FSIP2: variants seen among roughly 807,000 people sequenced by gnomAD.
FSIP2 encodes fibrous sheath interacting protein 2.
In FSIP2, 367 loss-of-function variants were observed where a neutral mutation model predicts 510.5. The ratio of observed to expected loss-of-function variants is 0.72; its 90% confidence interval spans 0.66 to 0.78. The LOEUF is 0.78. Among genes scored for constraint, FSIP2 ranks in the 30% least tolerant of loss-of-function variants. The pLI, the probability that FSIP2 is intolerant of heterozygous loss-of-function variation, is 0.00. For missense variants in FSIP2, 7,594 were observed against 7,901.7 expected, an observed-to-expected ratio of 0.96 and a Z score of 1.48; for synonymous variants, 2,601 against 2,732.2, an observed-to-expected ratio of 0.95 and a Z score of 1.50.
Position 185,792,892 on chromosome 2 carries a change from A to G in FSIP2, c.5756A>G (p.Asp1919Gly). The change falls in exon 16 of 23, where the codon GAT becomes GGT. Residue 1919 changes from aspartate to glycine, a missense_variant. Physicochemically the swap from Asp to Gly is moderately conservative, Grantham distance 94. Coordinates refer to ENST00000424728, the MANE Select transcript of FSIP2 (RefSeq NM_173651.4). ...DKETKVNLAEDIVQAILTNLE... is the reference protein window; with the variant it reads ...DKETKVNLAEGIVQAILTNLE... Reference sequence around the variant, plus strand: ...GAGACAAAGGTAAATCTAGCTGAAGATATTGTACAGGCAATATTAACAAAT... The same window carrying G: ...GAGACAAAGGTAAATCTAGCTGAAGGTATTGTACAGGCAATATTAACAAAT... 2.0e-6 allele frequency: 3 copies of G among 1,534,310 alleles called. No individual in the cohort carries two copies. The African/African-American group carries it at 4.1e-5, about 21-fold the overall frequency.
Position 185,801,239 on chromosome 2 carries a change from G to C in FSIP2, c.11933G>C (p.Gly3978Ala). Reference protein sequence around the residue: ...AGVYSATFLEGIISELFFNLS... With the variant: ...AGVYSATFLEAIISELFFNLS... Reference sequence around the variant, plus strand: ...GTTTATTCAGCCACATTTTTGGAAGGAATAATTTCAGAATTGTTTTTTAAT... The same window carrying C: ...GTTTATTCAGCCACATTTTTGGAAGCAATAATTTCAGAATTGTTTTTTAAT... The change falls in exon 17 of 23, where the codon GGA (glycine) becomes GCA (alanine). Residue 3978 changes from glycine to alanine, a missense_variant. Physicochemically the swap from Gly to Ala is moderately conservative, Grantham distance 60. Coordinates refer to ENST00000424728, the MANE Select transcript of FSIP2 (RefSeq NM_173651.4). The C allele has an allele frequency of 6.5e-7, 1 of 1,534,182 alleles. No individual in the cohort carries two copies. Among genetic ancestry groups the C allele is most frequent in the Non-Finnish European group, 8.7e-7 (1 of 1,145,566 alleles).
chr2:185,794,951 T>C lies in FSIP2; in HGVS notation c.7815T>C (p.Tyr2605=), dbSNP rs773576730. The change falls in exon 16 of 23, where the codon TAT becomes TAC. Residue 2605 remains tyrosine, a synonymous_variant. Coordinates refer to ENST00000424728, the MANE Select transcript of FSIP2 (RefSeq NM_173651.4). ...CTAGATATGCGATATCACAGGCTTA[T>C]TCTTATGTCGACAGTCAAAATATCT... is the stretch of plus-strand genomic sequence containing the variant. ...NSPRYAISQA[Y]SYVDSQNISV... 16 of 1,533,850 alleles carry C rather than the reference T, an allele frequency of 1.0e-5. No individual in the cohort carries two copies. In the South Asian group the frequency reaches 1.7e-4, roughly 16 times the overall value.
At chr2:185,828,482 A>T (rs1398980176) in intron 21 of FSIP2, among the ~76,000 whole-genome samples, 1 of 151,816 alleles carries the variant, frequency 6.6e-6, no homozygotes, top group South Asian at 2.1e-4. Flanking sequence ...AATTCTGTTT[A>T]TTAGCTCTGT....
At position 185,814,051 on chromosome 2, in the gene FSIP2, T is replaced by C; in HGVS notation, c.20325+9T>C. On this transcript the variant is annotated intron_variant, in intron 18 of 22. Transcript: ENST00000424728. Reference sequence around the variant, plus strand: ...AAAAGCCCCAGTGTAAGGTAAGTGATAAGCATGACTGTTAGTGACTAGAAA... The same window carrying C: ...AAAAGCCCCAGTGTAAGGTAAGTGACAAGCATGACTGTTAGTGACTAGAAA... 6.2e-7 allele frequency: 1 copy of C among 1,603,396 alleles called. No individual in the cohort carries two copies. Among genetic ancestry groups the C allele is most frequent in the Middle Eastern group, 1.7e-4 (1 of 5,978 alleles).
At chr2:185,766,426 A>C (rs1692482150) in intron 13 of FSIP2, 1 of 148,738 alleles carries the variant, frequency 6.7e-6, no homozygotes, top group Non-Finnish European at 1.5e-5. Context: ...CATCTGACAA[A>C]GGGCTAATAA....
At chr2:185,825,169 T>G (rs751009718) in intron 20 of FSIP2, among the ~76,000 whole-genome samples, 1 of 151,842 alleles carries the variant, frequency 6.6e-6, no homozygotes, top group African/African-American at 2.4e-5. Flanking sequence ...GTGAAAATCA[T>G]TTTTATCAAG....
Position 185,794,163 on chromosome 2 carries a change from C to T in FSIP2, c.7027C>T (p.Leu2343=). 6.5e-7 allele frequency: 1 copy of T among 1,534,062 alleles called. No individual in the cohort carries two copies. The highest frequency in any genetic ancestry group is 8.7e-7 in the Non-Finnish European group (1 of 1,145,658). The part of the protein sequence containing the change: ...RREKLGSTIH[L]SQARLKTYAD... ...AGAAAAACTTGGATCCACAATTCAC[C>T]TATCGCAAGCTAGGCTTAAGACATA... The change falls in exon 16 of 23, where the codon CTA becomes TTA. Residue 2343 remains leucine (L), a synonymous_variant. Transcript: ENST00000424728.
Position 185,756,361 on chromosome 2 carries a change from T to A in FSIP2, c.1078+83T>A, listed in dbSNP as rs1439995123. 1.5e-5 allele frequency: 7 copies of A among 475,466 alleles called. No homozygotes were observed. The East Asian group carries it at 2.2e-4, about 15-fold the overall frequency. The allele number at this position is 475,466 out of a possible 1,614,324, so 29.5% of individuals were successfully genotyped here. ...CAGTTTTGTAACAACTTTTTTCACTTAAGTGCAGACAAATCCTGTTTTCTT... is the reference window on the plus strand; with the variant it reads ...CAGTTTTGTAACAACTTTTTTCACTAAAGTGCAGACAAATCCTGTTTTCTT... On this transcript the variant is annotated intron_variant, in intron 9 of 22. Coordinates refer to ENST00000424728, the MANE Select transcript of FSIP2 (RefSeq NM_173651.4).
upstream of FSIP2, chr2:185,738,612 A>T: frequency 6.5e-7 from 1 of 1,535,922 alleles, no homozygotes; most frequent in Non-Finnish European, 8.7e-7. Flanking sequence ...CTAAGGCGTG[A>T]TGGTTTCAGA....
chr2:185,810,531 A>G (rs1693704139), intron 17 of FSIP2, among the ~76,000 whole-genome samples: 1 of 130,996 alleles, frequency 7.6e-6, no homozygotes, highest in African/African-American at 2.8e-5. Flanking sequence ...TGAGCCAGTT[A>G]AACCTCTTTT....
rs1181282853 is a variant in FSIP2, at chr2:185,799,978, T to C, written c.10672T>C (p.Leu3558=). ...GTCAATTTCCATTGGAGAACTTGCT[T>C]TATGTATTTCTGAAATCATTATTAA... is the stretch of plus-strand genomic sequence containing the variant. ...SRSISIGELA[L]CISEIIIKIL... The change falls in exon 17 of 23, where the codon TTA becomes CTA. Residue 3558 remains leucine (L), a synonymous_variant. Coordinates refer to ENST00000424728, the MANE Select transcript of FSIP2 (RefSeq NM_173651.4). The C allele has an allele frequency of 6.6e-7, 1 of 1,523,338 alleles. No individual in the cohort carries two copies. The highest frequency in any genetic ancestry group is 8.8e-7 in the Non-Finnish European group (1 of 1,137,890). The allele number at this position is 1,523,338 out of a possible 1,614,324, so 94.4% of individuals were successfully genotyped here.
At chr2:185,821,189 G>A (rs1185596700) in intron 19 of FSIP2, among the ~76,000 whole-genome samples, 1 of 151,754 alleles carries the variant, frequency 6.6e-6, no homozygotes, top group Non-Finnish European at 1.5e-5. Flanking sequence ...TCAACAAATT[G>A]GATAATCTAG....
At chr2:185,773,023 C>G (rs1692639541) in intron 13 of FSIP2, among the ~76,000 whole-genome samples, 1 of 151,954 alleles carries the variant, frequency 6.6e-6, no homozygotes, top group Admixed American at 6.6e-5. Context: ...ACCATACCAG[C>G]TAGTTTTGTA....
chr2:185,819,905 C>A (rs779068717), intron 19 of FSIP2, among the ~76,000 whole-genome samples: 68 of 151,872 alleles, frequency 4.5e-4, no homozygotes, highest in Non-Finnish European at 4.3e-4. Context: ...GGAACATCTG[C>A]ATGCACCAAA....
rs1693383203 is a variant in FSIP2 at position 185,799,827 on chromosome 2, T to C, written c.10521T>C (p.Leu3507=). 2 of 1,532,390 alleles carry C rather than the reference T, an allele frequency of 1.3e-6. No individual in the cohort carries two copies. The highest frequency in any genetic ancestry group is 2.5e-5 in the East Asian group (1 of 40,730). 94.9% of individuals were successfully genotyped at this position (1,532,390 alleles called of 1,614,324 possible). A position where few individuals can be genotyped will look rare whatever the true frequency, so the allele number is the denominator to read the frequency against. Residue 3507 remains leucine, a synonymous_variant, in exon 17 of 23, where the codon CTT becomes CTC. Transcript: ENST00000424728. ...QCCEHLTESV[L]YHLTSSISDG... ...GTGAACATCTCACTGAGTCAGTACT[T>C]TACCATTTAACTTCGAGCATTTCTG...
rs925472803 is a variant in FSIP2 at position 185,793,375 on chromosome 2, C to T, written c.6239C>T (p.Thr2080Ile). ...KGVIEKLLNETKYRKVLQLQI... is the reference protein window; with the variant it reads ...KGVIEKLLNEIKYRKVLQLQI... ...GTTATTGAAAAGCTGCTCAATGAGACCAAATATCGAAAAGTACTTCAACTT... is the reference window on the plus strand; with the variant it reads ...GTTATTGAAAAGCTGCTCAATGAGATCAAATATCGAAAAGTACTTCAACTT... Residue 2080 changes from threonine to isoleucine, a missense_variant, in exon 16 of 23, where the codon ACC becomes ATC. Transcript: ENST00000424728. The T allele has an allele frequency of 5.2e-6, 8 of 1,533,596 alleles. No individual in the cohort carries two copies. The African/African-American group carries it at 9.6e-5, about 18-fold the overall frequency. The allele number at this position is 1,533,596 out of a possible 1,614,324, so 95.0% of individuals were successfully genotyped here. A position where few individuals can be genotyped will look rare whatever the true frequency, so the allele number is the denominator to read the frequency against.
At chr2:185,740,131 C>G (rs577045709) in intron 2 of FSIP2, among the ~76,000 whole-genome samples, 1 of 152,266 alleles carries the variant, frequency 6.6e-6, no homozygotes, top group East Asian at 1.9e-4. Flanking sequence ...CATGCTAATA[C>G]TTCAGTATTT....
intron 17 of FSIP2, among the ~76,000 whole-genome samples, chr2:185,811,853 A>C (rs1364248000): frequency 6.6e-6 from 1 of 152,120 alleles, no homozygotes; most frequent in Non-Finnish European, 1.5e-5. Context: ...TGTGGTGTTA[A>C]GCCTATAGGC....
At position 185,808,378 on chromosome 2, in the gene FSIP2, A is replaced by G. The variant is rs755763669; in HGVS notation, c.19072A>G (p.Lys6358Glu). The G allele has an allele frequency of 2.5e-6, 4 of 1,611,434 alleles. No individual in the cohort carries two copies. Among genetic ancestry groups the G allele is most frequent in the South Asian group, 2.2e-5 (2 of 90,790 alleles). The stretch of plus-strand genomic sequence containing the variant: ...AGAGGTGTTGGCCTTGTTCTTGGCT[A>G]AACTAATAAGGTTGCCAAGTTCCTC... ...LEEVLALFLA[K>E]LIRLPSSSSK... The change falls in exon 17 of 23, where the codon AAA becomes GAA. Residue 6358 changes from lysine (K) to glutamate (E), a missense_variant. Coordinates refer to ENST00000424728, the MANE Select transcript of FSIP2 (RefSeq NM_173651.4).
Sources: gnomAD v4.1 joint callset for allele counts (sites outside exome capture counted in the v4.1 genomes callset) on GRCh38, gnomAD v4.1.1 for gene constraint, MANE v1.5 for transcripts, NCBI Gene and HGNC (gene_info 2026-07-23, HGNC 2026-07-21) for gene names.